CCDC85A: variants seen among roughly 807,000 people sequenced by gnomAD.
CCDC85A encodes coiled-coil domain-containing protein 85A.
A neutral mutation model predicts 50.2 loss-of-function variants in CCDC85A; 38 were observed. The observed-to-expected ratio is 0.76, with a 90% confidence interval of 0.58 to 0.99. The LOEUF is 0.99. Among genes scored for constraint, CCDC85A ranks in the 50% least tolerant of loss-of-function variants. CCDC85A has a pLI of 0.00. For synonymous variants in CCDC85A, 366 were observed against 301.4 expected, an observed-to-expected ratio of 1.21 and a Z score of -2.22; for missense variants, 820 against 742.0, an observed-to-expected ratio of 1.11 and a Z score of -1.22.
chr2:56,215,874 T>G (rs1573037635), intron 2 of CCDC85A, among the ~76,000 whole-genome samples: 1 of 151,858 alleles, frequency 6.6e-6, no homozygotes, highest in South Asian at 2.1e-4. Context: ...CATTTTTAAG[T>G]GGTTGGAAAA....
intron 2 of CCDC85A, among the ~76,000 whole-genome samples, chr2:56,312,171 G>A (rs942961105): frequency 2.0e-5 from 3 of 152,090 alleles, no homozygotes; most frequent in Admixed American, 6.6e-5. Context: ...GTGTAGGAAC[G>A]TGACTGTCAC....
chr2:56,200,448 C>G (rs542688018), intron 2 of CCDC85A, among the ~76,000 whole-genome samples: 1 of 152,138 alleles, frequency 6.6e-6, no homozygotes, highest in Non-Finnish European at 1.5e-5. Context: ...GAGTAGACTA[C>G]GGGACACTTG....
At chr2:56,315,908 G>T (rs1310855781) in intron 2 of CCDC85A, among the ~76,000 whole-genome samples, 1 of 152,118 alleles carries the variant, frequency 6.6e-6, no homozygotes, top group East Asian at 1.9e-4. Flanking sequence ...TATAGGACCT[G>T]TGAGAATGAA....
intron 2 of CCDC85A, among the ~76,000 whole-genome samples, chr2:56,232,090 A>G (rs1289081307): frequency 6.6e-6 from 1 of 152,032 alleles, no homozygotes; most frequent in African/African-American, 2.4e-5. Context: ...CCTGCATTTT[A>G]CATAATTTCT....
chr2:56,354,276 G>T (rs1675111835), intron 3 of CCDC85A, among the ~76,000 whole-genome samples: 1 of 152,108 alleles, frequency 6.6e-6, no homozygotes, highest in Non-Finnish European at 1.5e-5. Context: ...TTCTGAGACT[G>T]GCCAAAATAA....
intron 2 of CCDC85A, among the ~76,000 whole-genome samples, chr2:56,236,583 AT>A (rs1424092609): frequency 6.6e-6 from 1 of 152,134 alleles, no homozygotes; most frequent in African/African-American, 2.4e-5. Context: ...ATGAGAATCC[AT>A]TTTTATTTTT....
At chr2:56,368,488 T>C (rs1675915469) in intron 3 of CCDC85A, among the ~76,000 whole-genome samples, 1 of 152,154 alleles carries the variant, frequency 6.6e-6, no homozygotes, top group African/African-American at 2.4e-5. Context: ...TGCCCTGTAA[T>C]AAGGGAAAAC....
chr2:56,234,685 G>T (rs1328131223), intron 2 of CCDC85A, among the ~76,000 whole-genome samples: 4 of 150,822 alleles, frequency 2.7e-5, no homozygotes, highest in Non-Finnish European at 5.9e-5. Context: ...AAATGTGCAT[G>T]TTCTCCAGAG....
chr2:56,317,889 C>T (rs947525359), intron 2 of CCDC85A, among the ~76,000 whole-genome samples: 1 of 152,096 alleles, frequency 6.6e-6, no homozygotes, highest in African/African-American at 2.4e-5. Flanking sequence ...GATCGCTTCA[C>T]TCTCTCCTTG....
Position 56,325,384 on chromosome 2 carries a change from A to G in CCDC85A, c.1241-17495A>G, listed in dbSNP as rs543072080. 5.3e-5 allele frequency among the ~76,000 whole-genome samples: 8 copies of G among 152,242 alleles called. No homozygotes were observed. The South Asian group carries it at 1.2e-3, about 24-fold the overall frequency. Reference sequence around the variant, plus strand: ...ATATTGATATATATTCTCAGAGCCCATAAGATTTTGTGAACAATGATGGAT... The same window carrying G: ...ATATTGATATATATTCTCAGAGCCCGTAAGATTTTGTGAACAATGATGGAT... On this transcript the variant is annotated intron_variant, in intron 2 of 5. Transcript: ENST00000407595.
chr2:56,385,643 AT>A lies in CCDC85A; in HGVS notation c.*1291del. The A allele has an allele frequency of 6.6e-6, 1 of 152,230 alleles. No homozygotes were observed. Among genetic ancestry groups the A allele is most frequent in the Admixed American group, 6.6e-5 (1 of 15,200 alleles). The allele number at this position is 152,230 out of a possible 1,614,324, so 9.4% of individuals were successfully genotyped here. A position where few individuals can be genotyped will look rare whatever the true frequency, so the allele number is the denominator to read the frequency against. Reference sequence around the variant, plus strand: ...TTTGGATAGGTTCTAAATTTCTGAGATTTGATTCATGGCAGATATTCTCTGT... The same window carrying A: ...TTTGGATAGGTTCTAAATTTCTGAGATTGATTCATGGCAGATATTCTCTGT... On this transcript the variant is annotated 3_prime_UTR_variant, in exon 6 of 6. Coordinates refer to ENST00000407595, the MANE Select transcript of CCDC85A (RefSeq NM_001080433.2).
At chr2:56,201,092 A>G (rs1558581062) in intron 2 of CCDC85A, among the ~76,000 whole-genome samples, 1 of 148,660 alleles carries the variant, frequency 6.7e-6, no homozygotes, top group South Asian at 2.1e-4. Context: ...ACACACACAC[A>G]CACACACACA....
intron 2 of CCDC85A, among the ~76,000 whole-genome samples, chr2:56,286,784 A>C (rs1671464041): frequency 6.6e-6 from 1 of 152,082 alleles, no homozygotes; most frequent in Non-Finnish European, 1.5e-5. Flanking sequence ...TTTTATTGTA[A>C]ATTGGACATC....
intron 2 of CCDC85A, among the ~76,000 whole-genome samples, chr2:56,271,197 G>T (rs1010853192): frequency 9.2e-5 from 14 of 152,146 alleles, no homozygotes; most frequent in African/African-American, 3.1e-4. Context: ...GTCAAATGTG[G>T]GTCAGTTATG....
At chr2:56,339,406 C>A (rs1427787326) in intron 2 of CCDC85A, among the ~76,000 whole-genome samples, 1 of 151,946 alleles carries the variant, frequency 6.6e-6, no homozygotes, top group Admixed American at 6.6e-5. Flanking sequence ...CCCCTTTTTT[C>A]CTGAACTGAC....
intron 2 of CCDC85A, among the ~76,000 whole-genome samples, chr2:56,320,326 T>G (rs1313709546): frequency 6.6e-6 from 1 of 151,918 alleles, no homozygotes; most frequent in Non-Finnish European, 1.5e-5. Context: ...CAAAAAACCC[T>G]TCAAAAAAAT....
intron 2 of CCDC85A, among the ~76,000 whole-genome samples, chr2:56,315,926 A>G (rs1406848108): frequency 6.6e-6 from 1 of 152,104 alleles, no homozygotes; most frequent in Non-Finnish European, 1.5e-5. Context: ...GAATGTATGT[A>G]ACTAGAATAA....
intron 2 of CCDC85A, among the ~76,000 whole-genome samples, chr2:56,327,546 A>G (rs951921124): frequency 6.6e-6 from 1 of 152,164 alleles, no homozygotes; most frequent in Non-Finnish European, 1.5e-5. Flanking sequence ...CTAAATCAGT[A>G]TGGTTGTTAC....
intron 2 of CCDC85A, among the ~76,000 whole-genome samples, chr2:56,285,185 T>C (rs1671378684): frequency 6.6e-6 from 1 of 151,496 alleles, no homozygotes; most frequent in African/African-American, 2.4e-5. Flanking sequence ...CACTGCAGTC[T>C]CCACGTCCCA....
Sources: gnomAD v4.1 joint callset for allele counts (sites outside exome capture counted in the v4.1 genomes callset) on GRCh38, gnomAD v4.1.1 for gene constraint, MANE v1.5 for transcripts, NCBI Gene and HGNC (gene_info 2026-07-23, HGNC 2026-07-21) for gene names.